PPP1R9A: variants seen among roughly 807,000 people sequenced by gnomAD.
PPP1R9A encodes the protein neurabin-1.
A neutral mutation model predicts 141.9 loss-of-function variants in PPP1R9A; 59 were observed. That is an observed-to-expected ratio of 0.42 (90% CI 0.34 to 0.52). PPP1R9A has a LOEUF of 0.52. Ranked by LOEUF, PPP1R9A falls within the 20% of genes least tolerant of loss-of-function variation. The pLI, the probability that PPP1R9A is intolerant of heterozygous loss-of-function variation, is 0.10. For missense variants in PPP1R9A, 1,444 were observed against 1,611.9 expected (o/e 0.90, Z 1.78); for synonymous variants, 500 against 569.7 (o/e 0.88, Z 1.74).
chr7:94,921,215 G>T (rs1792761513), intron 2 of PPP1R9A, among the ~76,000 whole-genome samples: 1 of 152,064 alleles, frequency 6.6e-6, no homozygotes, highest in African/African-American at 2.4e-5. Context: ...GGGAGGCTGT[G>T]GCGGGCGGAT....
At chr7:95,037,229 T>G (rs114920191) in intron 2 of PPP1R9A, 2 of 152,260 alleles carry the variant, frequency 1.3e-5, no homozygotes, top group Non-Finnish European at 2.9e-5. Context: ...TTGTATATGT[T>G]GGAAAATTTC....
chr7:95,235,092 A>G (rs575814276), intron 8 of PPP1R9A, among the ~76,000 whole-genome samples: 1 of 152,138 alleles, frequency 6.6e-6, no homozygotes, highest in African/African-American at 2.4e-5. Context: ...AAACTCTTCT[A>G]GACACTGGCT....
chr7:95,008,071 CAAAT>C (rs1488795164), intron 2 of PPP1R9A, among the ~76,000 whole-genome samples: 1 of 152,172 alleles, frequency 6.6e-6, no homozygotes, highest in South Asian at 2.1e-4. Context: ...GACTCCATCT[CAAAT>C]AAATAAACAA....
intron 14 of PPP1R9A, among the ~76,000 whole-genome samples, chr7:95,272,762 T>A (rs1424153337): frequency 1.3e-5 from 2 of 152,180 alleles, no homozygotes; most frequent in Admixed American, 1.3e-4. Context: ...ACAAAAATCA[T>A]GAGCAACATT....
chr7:95,215,037 A>G (rs1009812594), intron 7 of PPP1R9A, among the ~76,000 whole-genome samples: 2 of 151,868 alleles, frequency 1.3e-5, no homozygotes, highest in African/African-American at 4.8e-5. Context: ...TTTGTTACAT[A>G]TGTATACATG....
chr7:95,245,902 C>A (rs1477108507), intron 8 of PPP1R9A, among the ~76,000 whole-genome samples: 1 of 152,118 alleles, frequency 6.6e-6, no homozygotes, highest in East Asian at 1.9e-4. Flanking sequence ...AATAGCCACA[C>A]CAGCAAGATG....
chr7:95,000,383 A>G (rs1173817995), intron 2 of PPP1R9A, among the ~76,000 whole-genome samples: 2 of 152,170 alleles, frequency 1.3e-5, no homozygotes, highest in African/African-American at 4.8e-5. Context: ...TCACATACAC[A>G]TATGTTTACA....
rs117546971 is a variant in PPP1R9A, at chr7:95,044,682, T to A, written c.1396-66577T>A. On this transcript the variant is annotated intron_variant, in intron 2 of 19. Coordinates refer to ENST00000433360, the MANE Select transcript of PPP1R9A (RefSeq NM_001166160.2). ...AACTCTGCCTCCCAAAGTGTTGAGA[T>A]TACAGGTGTGAGCCACCACACCCAG... 4.5e-3 allele frequency among the ~76,000 whole-genome samples: 667 copies of A among 148,648 alleles called. 19 individuals are homozygous for A. The highest frequency in any genetic ancestry group is 0.038 in the East Asian group (194 of 5,080).
intron 3 of PPP1R9A, among the ~76,000 whole-genome samples, chr7:95,115,080 A>G (rs938233581): frequency 8.5e-5 from 13 of 152,160 alleles, no homozygotes; most frequent in African/African-American, 3.1e-4. Context: ...TAAAAACACT[A>G]TTAATAACAT....
intron 17 of PPP1R9A, among the ~76,000 whole-genome samples, chr7:95,284,802 C>T (rs1025515988): frequency 1.3e-5 from 2 of 152,166 alleles, no homozygotes; most frequent in Non-Finnish European, 2.9e-5. Flanking sequence ...ATGGGTGTTA[C>T]TTGTTTTTAA....
At chr7:94,935,726 A>G (rs1794697595) in intron 2 of PPP1R9A, among the ~76,000 whole-genome samples, 1 of 152,238 alleles carries the variant, frequency 6.6e-6, no homozygotes, top group African/African-American at 2.4e-5. Flanking sequence ...ATGTAGGCTT[A>G]TGATAAAGTG....
intron 2 of PPP1R9A, among the ~76,000 whole-genome samples, chr7:94,947,149 A>G (rs911686941): frequency 2.0e-5 from 3 of 152,160 alleles, no homozygotes; most frequent in African/African-American, 7.2e-5. Context: ...CTTGCAGGCC[A>G]TGGAGCCAGG....
chr7:95,011,210 A>G (rs1314027913), intron 2 of PPP1R9A, among the ~76,000 whole-genome samples: 1 of 152,176 alleles, frequency 6.6e-6, no homozygotes, highest in Non-Finnish European at 1.5e-5. Context: ...AATTAATTTT[A>G]TTCTTTCAAA....
intron 2 of PPP1R9A, among the ~76,000 whole-genome samples, chr7:94,973,039 T>A (rs1221665647): frequency 6.6e-6 from 1 of 150,684 alleles, no homozygotes; most frequent in African/African-American, 2.4e-5. Flanking sequence ...AAACCGGAAG[T>A]AGAAATTACT....
chr7:94,991,482 C>T (rs1256377891), intron 2 of PPP1R9A, among the ~76,000 whole-genome samples: 1 of 152,010 alleles, frequency 6.6e-6, no homozygotes, highest in African/African-American at 2.4e-5. Flanking sequence ...CATGTTATCT[C>T]TTCACTCTGT....
chr7:95,089,395 T>C (rs1817034686), intron 2 of PPP1R9A, among the ~76,000 whole-genome samples: 1 of 152,108 alleles, frequency 6.6e-6, no homozygotes, highest in East Asian at 1.9e-4. Context: ...ACAAGGTAGA[T>C]ATATCAAGAA....
In PPP1R9A at chr7:95,286,159, C is replaced by G. The variant is rs1185395160; in HGVS notation, c.3610-47C>G. 3.7e-6 allele frequency: 6 copies of G among 1,603,952 alleles called. No homozygotes were observed. The African/African-American group carries it at 6.7e-5, about 18-fold the overall frequency. On this transcript the variant is annotated intron_variant, in intron 17 of 19. Coordinates refer to ENST00000433360, the MANE Select transcript of PPP1R9A (RefSeq NM_001166160.2). ...AGCTTGTAGACACACCTACCTCTTGCTCACTCACTGCACTCATTTAACACT... is the reference window on the plus strand; with the variant it reads ...AGCTTGTAGACACACCTACCTCTTGGTCACTCACTGCACTCATTTAACACT...
At chr7:94,928,957 G>T (rs764031633) in intron 2 of PPP1R9A, among the ~76,000 whole-genome samples, 1 of 152,162 alleles carries the variant, frequency 6.6e-6, no homozygotes, top group Admixed American at 6.6e-5. Flanking sequence ...AATTATGCAG[G>T]AAAGATACTG....
intron 12 of PPP1R9A, among the ~76,000 whole-genome samples, chr7:95,254,829 C>T (rs1434011974): frequency 6.6e-6 from 1 of 151,948 alleles, no homozygotes; most frequent in African/African-American, 2.4e-5. Context: ...GGAGTAAAAC[C>T]TTTTTCCAAA....
Sources: gnomAD v4.1 joint callset for allele counts (sites outside exome capture counted in the v4.1 genomes callset) on GRCh38, gnomAD v4.1.1 for gene constraint, MANE v1.5 for transcripts, NCBI Gene and HGNC (gene_info 2026-07-23, HGNC 2026-07-21) for gene names.